Variants in TCF3 observed in about 807,000 individuals in gnomAD.
TCF3 encodes the protein transcription factor 3, also known as transcription factor E2-alpha.
A neutral mutation model predicts 72.3 loss-of-function variants in TCF3; 54 were observed. That is an observed-to-expected ratio of 0.75 (90% CI 0.60 to 0.94). TCF3 has a LOEUF of 0.94. Among genes scored for constraint, TCF3 ranks in the 40% least tolerant of loss-of-function variants. The pLI, the probability that TCF3 is intolerant of heterozygous loss-of-function variation, is 0.00. For missense variants in TCF3, 1,078 were observed against 934.4 expected (o/e 1.15, Z -2.00); for synonymous variants, 525 against 412.6 (o/e 1.27, Z -3.30).
intron 5 of TCF3, among the ~76,000 whole-genome samples, chr19:1,627,709 G>C (rs2063072511): frequency 6.6e-6 from 1 of 152,158 alleles, no homozygotes; most frequent in South Asian, 2.1e-4. Context: ...GGCCAACTCT[G>C]AGCATCTGCA....
intron 2 of TCF3, among the ~76,000 whole-genome samples, chr19:1,649,060 G>A (rs566926470): frequency 5.1e-4 from 78 of 152,164 alleles, no homozygotes; most frequent in Non-Finnish European, 9.4e-4. Flanking sequence ...CTGAGCCTCC[G>A]TTCACCCAGG....
Position 1,642,910 on chromosome 19 carries a change from T to C in TCF3, c.145+3445A>G, listed in dbSNP as rs370354200. The stretch of plus-strand genomic sequence containing the variant: ...AGCAGAACGCGGAGGTGCCGTTCTG[T>C]GGATTTTCACTCTGACCGTGTGTCA... On this transcript the variant is annotated intron_variant, in intron 3 of 18. Transcript: ENST00000262965. Among the ~76,000 whole-genome samples the C allele has an allele frequency of 4.0e-4, 61 of 152,244 alleles. No homozygotes were observed. In the South Asian group the frequency reaches 0.012, roughly 30 times the overall value.
At chr19:1,625,771 C>A in intron 6 of TCF3, 63 bp from the exon 7 acceptor site, 2 of 1,428,844 alleles carry the variant, frequency 1.4e-6, no homozygotes, top group South Asian at 1.4e-5. Flanking sequence ...CTGTTCCATT[C>A]AAGAAAAAAC....
chr19:1,644,883 C>T (rs1227711700), intron 3 of TCF3, among the ~76,000 whole-genome samples: 3 of 148,832 alleles, frequency 2.0e-5, no homozygotes, highest in South Asian at 2.3e-4. Flanking sequence ...TTGGGAGTTG[C>T]GCTTCCTCCT....
chr19:1,649,883 AC>A (rs1164895331), intron 2 of TCF3, among the ~76,000 whole-genome samples: 1 of 152,206 alleles, frequency 6.6e-6, no homozygotes, highest in East Asian at 1.9e-4. Flanking sequence ...CATTTTGCTT[AC>A]CCAGCCAAGC....
chr19:1,650,433 C>A (rs1325089400), intron 1 of TCF3, 146 bp from the exon 2 acceptor site: 21 of 603,920 alleles, frequency 3.5e-5, no homozygotes, highest in Non-Finnish European at 3.5e-5. Context: ...CCTGGGGGCA[C>A]GGGGAGCCCT....
At chr19:1,613,601 T>C (rs866655693) in intron 18 of TCF3, among the ~76,000 whole-genome samples, 1 of 151,972 alleles carries the variant, frequency 6.6e-6, no homozygotes, top group Non-Finnish European at 1.5e-5. Flanking sequence ...GAGGAGGCCT[T>C]GAAGACACGG....
intron 4 of TCF3, 63 bp from the exon 5 acceptor site, chr19:1,632,179 A>C: frequency 6.3e-7 from 1 of 1,577,200 alleles, no homozygotes; most frequent in Non-Finnish European, 8.6e-7. Flanking sequence ...TCCACCCCGC[A>C]TTACAGCTGG....
intron 18 of TCF3, among the ~76,000 whole-genome samples, chr19:1,613,475 G>A (rs2061243853): frequency 6.6e-6 from 1 of 152,154 alleles, no homozygotes; most frequent in Non-Finnish European, 1.5e-5. Flanking sequence ...GGGCAGGGGA[G>A]GCCCAGTGCC....
At chr19:1,635,564 G>C (rs1033831007) in intron 3 of TCF3, among the ~76,000 whole-genome samples, 1 of 151,892 alleles carries the variant, frequency 6.6e-6, no homozygotes, top group Non-Finnish European at 1.5e-5. Context: ...GCACTGCCTG[G>C]AACACAGCTG....
At chr19:1,635,060 A>C (rs1315807206) in intron 3 of TCF3, among the ~76,000 whole-genome samples, 3 of 152,204 alleles carry the variant, frequency 2.0e-5, no homozygotes, top group Admixed American at 6.5e-5. Context: ...TGGGGTTACC[A>C]TGCCGGGCAG....
intron 3 of TCF3, among the ~76,000 whole-genome samples, chr19:1,639,024 C>CA (rs2064861661): frequency 6.6e-6 from 1 of 152,184 alleles, no homozygotes; most frequent in Admixed American, 6.5e-5. Flanking sequence ...TTGCAACCTT[C>CA]ATATCGAAGT....
intron 8 of TCF3, among the ~76,000 whole-genome samples, chr19:1,623,382 C>CTTTTT (rs371876498): frequency 7.7e-6 from 1 of 129,860 alleles, no homozygotes; most frequent in Non-Finnish European, 1.6e-5. Flanking sequence ...GCACCCCCCG[C>CTTTTT]TTTTTTTTTT....
rs200250387 is a variant in TCF3 at position 1,619,885 on chromosome 19, G to A, written c.1094-32C>T. 1,990 of 1,533,866 alleles carry A rather than the reference G, an allele frequency of 1.3e-3. 19 individuals are homozygous for A. In the African/African-American group the frequency reaches 0.022, roughly 17 times the overall value. On this transcript the variant is annotated intron_variant, in intron 13 of 18. Transcript: ENST00000262965. ...GGGAGTGGGGACGTGAATGGGGTGC[G>A]AGGGGCGGGGTGTGAGCATGGCCTG...
intron 5 of TCF3, among the ~76,000 whole-genome samples, chr19:1,630,806 A>AC (rs537953876): frequency 1.3e-5 from 2 of 151,014 alleles, no homozygotes; most frequent in Non-Finnish European, 3.0e-5. Flanking sequence ...AAGCAGCGGG[A>AC]CCCCCCCAAG....
In TCF3 at chr19:1,615,230, G is replaced by T; in HGVS notation, c.1822+55C>A. The T allele has an allele frequency of 6.6e-7, 1 of 1,523,040 alleles. No homozygotes were observed. Among genetic ancestry groups the T allele is most frequent in the Non-Finnish European group, 8.8e-7 (1 of 1,136,374 alleles). The allele number at this position is 1,523,040 out of a possible 1,614,324, so 94.3% of individuals were successfully genotyped here. ...GGGCGGGGAAGGAGAACGAGGGCAG[G>T]AACACGAGGGAGGGTGGCGCTGCAG... On this transcript the variant is annotated intron_variant, in intron 18 of 18. Coordinates refer to ENST00000262965, the MANE Select transcript of TCF3 (RefSeq NM_003200.5). The surrounding 1 kb of genome is among the most constrained non-coding windows in gnomAD (Gnocchi z 7.3).
At chr19:1,642,192 ACAGACG>A (rs10526220) in intron 3 of TCF3, among the ~76,000 whole-genome samples, 19,723 of 150,634 alleles carry the variant, frequency 0.13, 1,352 homozygotes, top group South Asian at 0.29. Context: ...GCACGCAGAC[ACAGACG>A]CAGACACGCA....
At chr19:1,622,021 C>A (rs763466704) in intron 10 of TCF3, 33 bp downstream of exon 10, 2 of 1,593,560 alleles carry the variant, frequency 1.3e-6, no homozygotes, top group East Asian at 4.5e-5. Flanking sequence ...TGCCACCCTC[C>A]GCCCACCCCC....
At position 1,611,779 on chromosome 19, in the gene TCF3, T is replaced by G; in HGVS notation, c.1893A>C (p.Gly631=). ...REEEKVSGVV[G]DPQMVLSAPH... ...GAGCTGAAAGCACCATCTGGGGGTC[T>G]CCAACCACACCTGACACCTTTTCCT... is the stretch of plus-strand genomic sequence containing the variant. The change falls in exon 19 of 19, where the codon GGA becomes GGC. Residue 631 remains glycine (G), a synonymous_variant. Coordinates refer to ENST00000262965, the MANE Select transcript of TCF3 (RefSeq NM_003200.5). The G allele has an allele frequency of 6.2e-7, 1 of 1,613,590 alleles. No homozygotes were observed. Among genetic ancestry groups the G allele is most frequent in the Non-Finnish European group, 8.5e-7 (1 of 1,179,924 alleles).
Sources: gnomAD v4.1 joint callset for allele counts (sites outside exome capture counted in the v4.1 genomes callset) on GRCh38, gnomAD v4.1.1 for gene constraint, Gnocchi (gnomAD v3.1) non-coding constraint, MANE v1.5 for transcripts, NCBI Gene and HGNC (gene_info 2026-07-23, HGNC 2026-07-21) for gene names.